The following ARHGAP44 variants were observed in gnomAD, a reference collection of about 807,000 sequenced individuals.
ARHGAP44 encodes the protein rho GTPase-activating protein 44.
In ARHGAP44, 43 loss-of-function variants were observed where a neutral mutation model predicts 106.8. The ratio of observed to expected loss-of-function variants is 0.40; its 90% confidence interval spans 0.32 to 0.52. The LOEUF is 0.52. ARHGAP44 is among the 20% of genes least tolerant of loss of function. The pLI, the probability that ARHGAP44 is intolerant of heterozygous loss-of-function variation, is 0.48. For missense variants in ARHGAP44, 866 were observed against 1,050.5 expected, an observed-to-expected ratio of 0.82 and a Z score of 2.43; for synonymous variants, 439 against 410.3, an observed-to-expected ratio of 1.07 and a Z score of -0.85.
chr17:12,952,270 C>T (rs1031809928), intron 12 of ARHGAP44, among the ~76,000 whole-genome samples: 1 of 152,176 alleles, frequency 6.6e-6, no homozygotes, highest in Non-Finnish European at 1.5e-5. Flanking sequence ...GGCACATATT[C>T]ACTTGGGGCC....
At chr17:12,883,663 G>T (rs913798829) in intron 1 of ARHGAP44, among the ~76,000 whole-genome samples, 1 of 152,000 alleles carries the variant, frequency 6.6e-6, no homozygotes, top group African/African-American at 2.4e-5. Context: ...TGTTAAACTT[G>T]TTATTTATTT....
chr17:12,808,526 ATAGGGCTT>A (rs1416714632), intron 1 of ARHGAP44, among the ~76,000 whole-genome samples: 3 of 152,252 alleles, frequency 2.0e-5, no homozygotes, highest in African/African-American at 7.2e-5. Context: ...CTGCCAAGGC[ATAGGGCTT>A]GCATCCTCTG....
chr17:12,815,946 G>A (rs187899384), intron 1 of ARHGAP44, among the ~76,000 whole-genome samples: 1 of 152,320 alleles, frequency 6.6e-6, no homozygotes, highest in East Asian at 1.9e-4. Context: ...GTATTGTGGA[G>A]GTTGGTGGAA....
intron 3 of ARHGAP44, among the ~76,000 whole-genome samples, chr17:12,907,978 A>C (rs888870433): frequency 6.6e-6 from 1 of 151,748 alleles, no homozygotes; most frequent in African/African-American, 2.4e-5. Flanking sequence ...TTGCTTTGTT[A>C]AGCATTAATA....
rs1009611677 is a variant in ARHGAP44, at chr17:12,789,557, C to G, written c.-282C>G. The stretch of plus-strand genomic sequence containing the variant: ...GGACTGGGACTGGGAGCAGGCAGCC[C>G]GGGCGGAGCGGGCCGGTGCCGAGGA... On this transcript the variant is annotated 5_prime_UTR_variant, in exon 1 of 21. Transcript: ENST00000379672. 14 of 224,936 alleles carry G rather than the reference C, an allele frequency of 6.2e-5. No individual in the cohort carries two copies. In the East Asian group the frequency reaches 1.3e-3, roughly 21 times the overall value. 13.9% of individuals were successfully genotyped at this position (224,936 alleles called of 1,614,324 possible). A position where few individuals can be genotyped will look rare whatever the true frequency, so the allele number is the denominator to read the frequency against.
intron 3 of ARHGAP44, among the ~76,000 whole-genome samples, chr17:12,903,283 C>T (rs1194653031): frequency 6.6e-6 from 1 of 151,758 alleles, no homozygotes; most frequent in Non-Finnish European, 1.5e-5. Context: ...AGAGAATAGT[C>T]ATCTCAGAAA....
chr17:12,974,889 GC>G (rs60928419), intron 18 of ARHGAP44, among the ~76,000 whole-genome samples: 6,855 of 126,424 alleles, frequency 0.054, 530 homozygotes, highest in African/African-American at 0.18. Flanking sequence ...TCGGTTGGTC[GC>G]CCAGGCTGGA....
intron 1 of ARHGAP44, among the ~76,000 whole-genome samples, chr17:12,836,841 C>T (rs934776217): frequency 6.6e-6 from 1 of 152,204 alleles, no homozygotes; most frequent in Admixed American, 6.5e-5. Context: ...GACTTCACCA[C>T]TGCTCTCTTA....
intron 1 of ARHGAP44, among the ~76,000 whole-genome samples, chr17:12,832,378 G>A (rs966512047): frequency 4.6e-5 from 7 of 152,080 alleles, no homozygotes; most frequent in African/African-American, 1.2e-4. Flanking sequence ...GATCCACTGA[G>A]TGCAGGGTCT....
At chr17:12,959,021 C>G in intron 16 of ARHGAP44, 124 bp downstream of exon 16, 1 of 1,181,078 alleles carries the variant, frequency 8.5e-7, no homozygotes, top group Non-Finnish European at 1.2e-6. Flanking sequence ...TTAGGTGACT[C>G]GTAGCAATTA....
intron 3 of ARHGAP44, among the ~76,000 whole-genome samples, chr17:12,901,653 C>G (rs1005761619): frequency 6.6e-6 from 1 of 151,980 alleles, no homozygotes; most frequent in African/African-American, 2.4e-5. Context: ...CTGTTGAATC[C>G]ATGGGAGCTG....
At chr17:12,927,328 A>G (rs767242416) in intron 6 of ARHGAP44, among the ~76,000 whole-genome samples, 29 of 152,202 alleles carry the variant, frequency 1.9e-4, no homozygotes, top group Non-Finnish European at 3.4e-4. Context: ...TTTAGTTTCC[A>G]TTTCTTGTAT....
At position 12,841,903 on chromosome 17, in the gene ARHGAP44, T is replaced by A. The variant is rs530332755; in HGVS notation, c.53+52012T>A. ...CAAATTTTTCAGGCACATATAGTTA[T>A]GCAAACACGTTGAAAAAGAGCTTTC... On this transcript the variant is annotated intron_variant, in intron 1 of 20. Transcript: ENST00000379672. 2.0e-3 allele frequency among the ~76,000 whole-genome samples: 310 copies of A among 152,206 alleles called. 1 individual carries two copies. The highest frequency in any genetic ancestry group is 6.0e-3 in the African/African-American group (249 of 41,514).
intron 20 of ARHGAP44, among the ~76,000 whole-genome samples, chr17:12,989,101 C>CCAAAAAAAA (rs1598173210): frequency 4.4e-5 from 2 of 45,164 alleles, no homozygotes; most frequent in African/African-American, 1.7e-4. Flanking sequence ...CCACCCCCCC[C>CCAAAAAAAA]AAAAAAAAAA....
chr17:12,987,088 T>G (rs1179390222), intron 20 of ARHGAP44: 1 of 1,533,354 alleles, frequency 6.5e-7, no homozygotes, highest in African/African-American at 1.4e-5. Context: ...ATCCTATCAT[T>G]GTGTTCTTGC....
At chr17:12,871,932 A>G (rs1226937787) in intron 1 of ARHGAP44, among the ~76,000 whole-genome samples, 2 of 152,190 alleles carry the variant, frequency 1.3e-5, no homozygotes, top group African/African-American at 4.8e-5. Flanking sequence ...GCAGAACTGC[A>G]AGCCAATTAA....
intron 7 of ARHGAP44, among the ~76,000 whole-genome samples, chr17:12,935,057 T>G (rs1048207660): frequency 2.6e-5 from 4 of 152,164 alleles, no homozygotes; most frequent in African/African-American, 9.7e-5. Flanking sequence ...GTCACTAAAT[T>G]TATATCGGAC....
At chr17:12,838,251 GA>G (rs988296980) in intron 1 of ARHGAP44, among the ~76,000 whole-genome samples, 21 of 151,572 alleles carry the variant, frequency 1.4e-4, no homozygotes, top group African/African-American at 4.8e-4. Context: ...AATATAGTAA[GA>G]AAAAAAAGTA....
At chr17:12,898,903 C>T (rs2037293186) in intron 3 of ARHGAP44, among the ~76,000 whole-genome samples, 1 of 152,132 alleles carries the variant, frequency 6.6e-6, no homozygotes, top group Non-Finnish European at 1.5e-5. Flanking sequence ...TGGGAGAAGT[C>T]CGCAGTGGAA....
Sources: gnomAD v4.1 joint callset for allele counts (sites outside exome capture counted in the v4.1 genomes callset) on GRCh38, gnomAD v4.1.1 for gene constraint, MANE v1.5 for transcripts, NCBI Gene and HGNC (gene_info 2026-07-23, HGNC 2026-07-21) for gene names.